Variants in PRKAG2 observed in about 807,000 individuals in gnomAD.
PRKAG2 encodes protein kinase AMP-activated non-catalytic subunit gamma 2.
PRKAG2 carries 26 observed loss-of-function variants against 69.6 expected under a neutral mutation model. The ratio of observed to expected loss-of-function variants is 0.37; its 90% CI spans 0.27 to 0.52. PRKAG2 has a LOEUF of 0.52. PRKAG2 is among the 20% of genes least tolerant of loss of function. PRKAG2 has a pLI of 0.90. For synonymous variants in PRKAG2, 293 were observed against 285.0 expected, an observed-to-expected ratio of 1.03 and a Z score of -0.28; for missense variants, 557 against 740.0, an observed-to-expected ratio of 0.75 and a Z score of 2.87.
Position 151,560,712 on chromosome 7 carries a change from C to T in PRKAG2, c.1585-95G>A, listed in dbSNP as rs1001839819. 4 of 1,463,042 alleles carry T rather than the reference C, an allele frequency of 2.7e-6. No homozygotes were observed. The African/African-American group carries it at 5.6e-5, about 20-fold the overall frequency. The allele number at this position is 1,463,042 out of a possible 1,614,324, so 90.6% of individuals were successfully genotyped here. On this transcript the variant is annotated intron_variant, in intron 14 of 15. Coordinates refer to ENST00000287878, the MANE Select transcript of PRKAG2 (RefSeq NM_016203.4). Reference sequence around the variant, plus strand: ...ATGTCCTGTCATGTTTTTATATGATCAACACATCCCTCCAGCCTGGGGAAT... The same window carrying T: ...ATGTCCTGTCATGTTTTTATATGATTAACACATCCCTCCAGCCTGGGGAAT...
rs557579502 is a variant in PRKAG2, at chr7:151,558,786, C to T, written c.1679-1554G>A. ...GCTGGAAATAGATTCCTCTCTGCAC[C>T]AGCAGTGATGGGAGGGGCATTGCAA... On this transcript the variant is annotated intron_variant, in intron 15 of 15. Transcript: ENST00000287878. 8.4e-5 allele frequency: 83 copies of T among 985,366 alleles called. 1 individual carries two copies. The African/African-American group carries it at 1.4e-3, about 16-fold the overall frequency. 61.0% of individuals were successfully genotyped at this position (985,366 alleles called of 1,614,324 possible).
In PRKAG2 at chr7:151,728,047, G is replaced by A. The variant is rs571180010; in HGVS notation, c.467-52410C>T. Among the ~76,000 whole-genome samples the A allele has an allele frequency of 2.2e-4, 34 of 152,240 alleles. No individual in the cohort carries two copies. In the East Asian group the frequency reaches 6.2e-3, roughly 28 times the overall value. On this transcript the variant is annotated intron_variant, in intron 3 of 15. Transcript: ENST00000287878. ...GCTCAGCTCCGGGGGCCCGTCCTCC[G>A]TGGATCCCTCCAGGCCCAGCAGAGT...
At chr7:151,594,460 A>C (rs1813964931) in intron 6 of PRKAG2, among the ~76,000 whole-genome samples, 1 of 152,218 alleles carries the variant, frequency 6.6e-6, no homozygotes. Flanking sequence ...ATGTGATTAT[A>C]AGTTACATTG....
At chr7:151,716,368 C>T (rs564915337) in intron 3 of PRKAG2, among the ~76,000 whole-genome samples, 1 of 152,266 alleles carries the variant, frequency 6.6e-6, no homozygotes, top group African/African-American at 2.4e-5. Context: ...TGTGTTCAAG[C>T]CCCCTTTGTG....
rs556205086 is a variant in PRKAG2 at position 151,662,702 on chromosome 7, A to C, written c.684+12718T>G. The stretch of plus-strand genomic sequence containing the variant: ...GATGGCTTGAGCCCAGAAGTTCAAG[A>C]CCAGCCTGGGCAACACAGGGAGAAC... On this transcript the variant is annotated intron_variant, in intron 4 of 15. Transcript: ENST00000287878. Among the ~76,000 whole-genome samples the C allele has an allele frequency of 3.9e-5, 6 of 152,234 alleles. No homozygotes were observed. The South Asian group carries it at 1.2e-3, about 32-fold the overall frequency.
At chr7:151,749,122 C>T (rs1376631802) in intron 3 of PRKAG2, among the ~76,000 whole-genome samples, 4 of 147,208 alleles carry the variant, frequency 2.7e-5, no homozygotes, top group Non-Finnish European at 2.9e-5. Flanking sequence ...AGAAGAGATG[C>T]GGTTAAGCAA....
chr7:151,807,700 C>T lies in PRKAG2; in HGVS notation c.115-21159G>A. 2 of 429,230 alleles carry T rather than the reference C, an allele frequency of 4.7e-6. No homozygotes were observed. The highest frequency in any genetic ancestry group is 9.5e-6 in the Non-Finnish European group (2 of 209,436). The allele number at this position is 429,230 out of a possible 1,614,324, so 26.6% of individuals were successfully genotyped here. A position where few individuals can be genotyped will look rare whatever the true frequency, so the allele number is the denominator to read the frequency against. ...CCGTTTCCACTGCCTATTCCCGGGC[C>T]CCTCACTTGGGTCAAGGCAGCATTT... On this transcript the variant is annotated intron_variant, in intron 1 of 15. Transcript: ENST00000287878. This position sits in a 1 kb window ranked among gnomAD's most constrained non-coding sequence, Gnocchi z 4.4.
At chr7:151,778,716 G>A (rs1284386298) in intron 3 of PRKAG2, among the ~76,000 whole-genome samples, 4 of 152,152 alleles carry the variant, frequency 2.6e-5, no homozygotes. Flanking sequence ...CCAAAGCTCA[G>A]GTCTGGGAGC....
rs566583200 is a variant in PRKAG2, at chr7:151,851,413, G to A, written c.114+25094C>T. Reference sequence around the variant, plus strand: ...GCTTCCCTTTTTCTGGAAACTGCCCGATCCCCACCTCGCTGTGGGCAACTC... The same window carrying A: ...GCTTCCCTTTTTCTGGAAACTGCCCAATCCCCACCTCGCTGTGGGCAACTC... On this transcript the variant is annotated intron_variant, in intron 1 of 15. Transcript: ENST00000287878. Among the ~76,000 whole-genome samples the A allele has an allele frequency of 3.3e-3, 506 of 151,840 alleles. 1 individual carries two copies. The highest frequency in any genetic ancestry group is 4.9e-3 in the Non-Finnish European group (334 of 67,936).
chr7:151,721,382 A>AGGGCCAGGGTCG (rs1554563513), intron 3 of PRKAG2, among the ~76,000 whole-genome samples: 1 of 151,076 alleles, frequency 6.6e-6, no homozygotes, highest in Non-Finnish European at 1.5e-5. Flanking sequence ...AGACAGGGCC[A>AGGGCCAGGGTCG]GGGCCAGGGC....
At position 151,852,185 on chromosome 7, in the gene PRKAG2, TA is replaced by T. The variant is rs201240896; in HGVS notation, c.114+24321del. Among the ~76,000 whole-genome samples the T allele has an allele frequency of 5.0e-3, 766 of 152,124 alleles. 6 individuals carry two copies. Among genetic ancestry groups the T allele is most frequent in the African/African-American group, 0.018 (739 of 41,500 alleles). On this transcript the variant is annotated intron_variant, in intron 1 of 15. Coordinates refer to ENST00000287878, the MANE Select transcript of PRKAG2 (RefSeq NM_016203.4). The stretch of plus-strand genomic sequence containing the variant: ...GGCACTGGTCGGGGGTCCCTGGGGC[TA>T]GGGGGGACAGAACCCTCAAGAATGT...
At chr7:151,680,035 C>CAGCAAGAT (rs1194004228) in intron 3 of PRKAG2, among the ~76,000 whole-genome samples, 10 of 152,130 alleles carry the variant, frequency 6.6e-5, no homozygotes, top group African/African-American at 2.4e-4. Flanking sequence ...CTGGGTGACA[C>CAGCAAGAT]AGCAAGATCC....
At chr7:151,602,764 T>C (rs76520307) in intron 5 of PRKAG2, among the ~76,000 whole-genome samples, 6,859 of 152,100 alleles carry the variant, frequency 0.045, 505 homozygotes, top group African/African-American at 0.16. Flanking sequence ...TGCTGGGAGG[T>C]GATTGGATCA....
chr7:151,718,707 T>C (rs1298755963), intron 3 of PRKAG2, among the ~76,000 whole-genome samples: 1 of 151,430 alleles, frequency 6.6e-6, no homozygotes, highest in Non-Finnish European at 1.5e-5. Context: ...CTGCTTTTAA[T>C]ACATTTTTGG....
intron 1 of PRKAG2, among the ~76,000 whole-genome samples, chr7:151,821,455 C>T (rs544152636): frequency 1.3e-5 from 2 of 152,306 alleles, no homozygotes; most frequent in African/African-American, 2.4e-5. Context: ...GCAGGTGCTC[C>T]GGGGCTGAAT....
chr7:151,858,947 C>A (rs910005954), intron 1 of PRKAG2, among the ~76,000 whole-genome samples: 1 of 152,224 alleles, frequency 6.6e-6, no homozygotes, highest in African/African-American at 2.4e-5. Context: ...CCTCTTCCTG[C>A]TCCTCTGCAA....
intron 3 of PRKAG2, among the ~76,000 whole-genome samples, chr7:151,696,359 C>T (rs549987005): frequency 2.6e-5 from 4 of 152,354 alleles, no homozygotes; most frequent in Admixed American, 1.3e-4. Context: ...TGGGGTTCCC[C>T]AGTGGGGCTC....
chr7:151,835,107 A>T lies in PRKAG2; in HGVS notation c.114+41400T>A, dbSNP rs80077116. On this transcript the variant is annotated intron_variant, in intron 1 of 15. Coordinates refer to ENST00000287878, the MANE Select transcript of PRKAG2 (RefSeq NM_016203.4). The surrounding 1 kb of genome is among the most constrained non-coding windows in gnomAD (Gnocchi z 4.1). ...ATCAAAACTCATCACATCGGAAACG[A>T]CCCTGTTTCCAAAAGAGGTCACATT... Among the ~76,000 whole-genome samples, 4,884 of 152,132 alleles carry T rather than the reference A, an allele frequency of 0.032. 115 individuals are homozygous for T. Among genetic ancestry groups the T allele is most frequent in the Middle Eastern group, 0.054 (16 of 294 alleles).
chr7:151,770,384 T>C (rs2075965264), intron 3 of PRKAG2, among the ~76,000 whole-genome samples: 1 of 152,240 alleles, frequency 6.6e-6, no homozygotes, highest in Non-Finnish European at 1.5e-5. Flanking sequence ...CAATTATGCA[T>C]GTCTATGCTT....
Sources: gnomAD v4.1 joint callset for allele counts (sites outside exome capture counted in the v4.1 genomes callset) on GRCh38, gnomAD v4.1.1 for gene constraint, Gnocchi (gnomAD v3.1) non-coding constraint, MANE v1.5 for transcripts, NCBI Gene and HGNC (gene_info 2026-07-23, HGNC 2026-07-21) for gene names.